Variants in COL9A3 observed in about 807,000 individuals in gnomAD.
COL9A3 encodes the protein collagen type IX alpha 3 chain, also known as collagen alpha-3(IX) chain.
In COL9A3, 82 loss-of-function variants were observed where a neutral mutation model predicts 110.2. That is an observed-to-expected ratio of 0.74 (90% CI 0.62 to 0.89). The LOEUF (loss-of-function observed/expected upper bound fraction) is 0.89. Among genes scored for constraint, COL9A3 ranks in the 40% least tolerant of loss-of-function variants. COL9A3 has a pLI of 0.00. For missense variants in COL9A3, 1,066 were observed against 981.3 expected (o/e 1.09, Z -1.15); for synonymous variants, 494 against 403.8 (o/e 1.22, Z -2.68).
Position 62,819,206 on chromosome 20 carries a change from C to G in COL9A3, c.184-16C>G, listed in dbSNP as rs756387351. On this transcript the variant is annotated splice_polypyrimidine_tract_variant and intron_variant, in intron 3 of 31. Coordinates refer to ENST00000649368, the MANE Select transcript of COL9A3 (RefSeq NM_001853.4). ...CAGACCCCGCCTTCACATCTCTGCCCTTTCCTCCTGCACAGGGACCAAAGG... is the reference window on the plus strand; with the variant it reads ...CAGACCCCGCCTTCACATCTCTGCCGTTTCCTCCTGCACAGGGACCAAAGG... 6.2e-7 allele frequency: 1 copy of G among 1,612,248 alleles called. No individual in the cohort carries two copies. Among genetic ancestry groups the G allele is most frequent in the Non-Finnish European group, 8.5e-7 (1 of 1,179,712 alleles).
At position 62,818,541 on chromosome 20, in the gene COL9A3, G is replaced by A. The variant is rs1366711411; in HGVS notation, c.171G>A (p.Leu57=). The change falls in exon 3 of 32, where the codon CTG becomes CTA. Residue 57 remains leucine, a synonymous_variant. Transcript: ENST00000649368. ...GIDGEAGPPG[L]PGPPGPKGAP... is the part of the protein sequence containing the mutation. Reference sequence around the variant, plus strand: ...AGGGAGAAGCTGGTCCTCCAGGTCTGCCTGGGCCCCCGGTGAGTGTCCCTG... The same window carrying A: ...AGGGAGAAGCTGGTCCTCCAGGTCTACCTGGGCCCCCGGTGAGTGTCCCTG... The A allele has an allele frequency of 1.2e-6, 2 of 1,613,070 alleles. No homozygotes were observed. Among genetic ancestry groups the A allele is most frequent in the African/African-American group, 2.7e-5 (2 of 75,064 alleles).
rs1246463008 is a variant in COL9A3, at chr20:62,826,831, C to T, written c.792+11C>T. ...GCGCCTGGGAAAGCGGTACGTGTGTCAGTGGACGGTGGGCGCCATGCCTCG... is the reference window on the plus strand; with the variant it reads ...GCGCCTGGGAAAGCGGTACGTGTGTTAGTGGACGGTGGGCGCCATGCCTCG... On this transcript the variant is annotated intron_variant, in intron 15 of 31. Coordinates refer to ENST00000649368, the MANE Select transcript of COL9A3 (RefSeq NM_001853.4). 6.2e-6 allele frequency: 10 copies of T among 1,612,502 alleles called. No individual in the cohort carries two copies. The highest frequency in any genetic ancestry group is 8.5e-6 in the Non-Finnish European group (10 of 1,179,900).
At position 62,822,129 on chromosome 20, in the gene COL9A3, G is replaced by A. The variant is rs151085597; in HGVS notation, c.442G>A (p.Gly148Ser). 15 of 1,587,186 alleles carry A rather than the reference G, an allele frequency of 9.5e-6. No individual in the cohort carries two copies. The African/African-American group carries it at 1.1e-4, about 11-fold the overall frequency. Residue 148 changes from glycine (G) to serine (S), a missense_variant, in exon 9 of 32, where the codon GGC becomes AGC. Gly to Ser is a moderately conservative substitution (Grantham distance 56, BLOSUM62 0). Transcript: ENST00000649368. ...TCCCCAGGGACCTTCTGGACTCCCC[G>A]GCCTCCCTGGTCCCCCAGGACCTCC... ...RGPPGPSGLP[G>S]LPGPPGPPGP... is the part of the protein sequence containing the mutation.
At chr20:62,824,851 G>T in intron 11 of COL9A3, 117 bp from the exon 12 acceptor site, 1 of 1,128,804 alleles carries the variant, frequency 8.9e-7, no homozygotes. Context: ...CCGCGGTCCT[G>T]TGCGCTGCCG....
At chr20:62,831,341 G>C (rs2063595779) in intron 24 of COL9A3, 1 of 152,390 alleles carries the variant, frequency 6.6e-6, no homozygotes, top group Admixed American at 6.5e-5. Context: ...TGCTCCACCA[G>C]GTCCTTGGGG....
intron 20 of COL9A3, 61 bp downstream of exon 20, chr20:62,829,560 C>T: frequency 6.4e-7 from 1 of 1,551,188 alleles, no homozygotes; most frequent in Non-Finnish European, 8.9e-7. Flanking sequence ...AGGCAAGGGG[C>T]TGGGGGGCCA....
chr20:62,826,648 C>G, intron 14 of COL9A3, 119 bp from the exon 15 acceptor site: 1 of 1,097,436 alleles, frequency 9.1e-7, no homozygotes, highest in Non-Finnish European at 1.4e-6. Flanking sequence ...CTTGGGGGAA[C>G]TTGCTGGGGA....
chr20:62,832,852 A>G (rs1304875407), intron 25 of COL9A3, 168 bp from the exon 26 acceptor site: 9 of 524,082 alleles, frequency 1.7e-5, no homozygotes, highest in East Asian at 1.5e-4. Flanking sequence ...AGGTCTCCCA[A>G]GGGCTGTGTT....
chr20:62,823,302 C>T (rs2063525240), intron 10 of COL9A3, among the ~76,000 whole-genome samples: 2 of 152,190 alleles, frequency 1.3e-5, no homozygotes, highest in Non-Finnish European at 2.9e-5. Context: ...AGCCACTGCA[C>T]TCCAGCGTGA....
At chr20:62,819,122 T>G in intron 3 of COL9A3, 100 bp from the exon 4 acceptor site, 1 of 1,195,866 alleles carries the variant, frequency 8.4e-7, no homozygotes, top group African/African-American at 1.5e-5. Flanking sequence ...TCCCGTATGG[T>G]TGGGCTGGGG....
chr20:62,822,880 C>T lies in COL9A3; in HGVS notation c.519+248C>T, dbSNP rs368890620. ...CACTGTCCCTCATGAAGCCACCAGG[C>T]GCATGGAGCTGTACAAATGTAATGA... On this transcript the variant is annotated intron_variant, in intron 10 of 31. Coordinates refer to ENST00000649368, the MANE Select transcript of COL9A3 (RefSeq NM_001853.4). 3.9e-5 allele frequency among the ~76,000 whole-genome samples: 6 copies of T among 152,322 alleles called. No individual in the cohort carries two copies. The East Asian group carries it at 1.2e-3, about 29-fold the overall frequency.
At chr20:62,827,781 A>C in intron 16 of COL9A3, 142 bp from the exon 17 acceptor site, 1 of 840,396 alleles carries the variant, frequency 1.2e-6, no homozygotes, top group Non-Finnish European at 2.0e-6. Flanking sequence ...CCACGCACCC[A>C]CAGGCCCCAG....
chr20:62,820,008 G>T, intron 5 of COL9A3, 26 bp downstream of exon 5: 1 of 1,611,770 alleles, frequency 6.2e-7, no homozygotes, highest in Non-Finnish European at 8.5e-7. Flanking sequence ...GAACCCAGTG[G>T]CTTGGGTTCA....
intron 31 of COL9A3, 47 bp downstream of exon 31, chr20:62,838,808 G>T: frequency 6.9e-7 from 1 of 1,458,042 alleles, no homozygotes; most frequent in Non-Finnish European, 9.4e-7. Flanking sequence ...CATCTCTTCC[G>T]CCATCTTGTA....
chr20:62,829,909 G>A, intron 22 of COL9A3, 90 bp downstream of exon 22: 1 of 1,481,170 alleles, frequency 6.8e-7, no homozygotes. Flanking sequence ...GGTGGCATTT[G>A]GTTGCCTTGA....
At chr20:62,818,261 C>T (rs976330603) in intron 2 of COL9A3, among the ~76,000 whole-genome samples, 10 of 152,338 alleles carry the variant, frequency 6.6e-5, no homozygotes, top group African/African-American at 2.4e-4. Flanking sequence ...CATGACCCAC[C>T]CTCTGCCCCC....
In COL9A3 at chr20:62,827,192, C is replaced by T. The variant is rs376440149; in HGVS notation, c.793-49C>T. Reference sequence around the variant, plus strand: ...GAGGGGCCCCCGTCCTACTCTCCGACCAACTCCATGGTGTTAACTCTGTCC... The same window carrying T: ...GAGGGGCCCCCGTCCTACTCTCCGATCAACTCCATGGTGTTAACTCTGTCC... On this transcript the variant is annotated intron_variant, in intron 15 of 31. Transcript: ENST00000649368. 7.8e-4 allele frequency: 1,249 copies of T among 1,603,710 alleles called. 23 individuals are homozygous for T. In the South Asian group the frequency reaches 0.013, roughly 17 times the overall value.
chr20:62,835,736 A>T (rs1350463777), intron 26 of COL9A3, among the ~76,000 whole-genome samples, 185 bp from the exon 27 acceptor site: 1 of 152,242 alleles, frequency 6.6e-6, no homozygotes, highest in Non-Finnish European at 1.5e-5. Flanking sequence ...AAAAGCTTCA[A>T]TCAATCAGTG....
rs1991070167 is a variant in COL9A3, at chr20:62,820,089, C to T, written c.309+107C>T. On this transcript the variant is annotated intron_variant, in intron 5 of 31. Coordinates refer to ENST00000649368, the MANE Select transcript of COL9A3 (RefSeq NM_001853.4). ...GCCAAGGAGCTGGTAGTTCCAAGGA[C>T]AGCTGCCCTGCCCGTGCCTGGGGTG... 4 of 1,335,018 alleles carry T rather than the reference C, an allele frequency of 3.0e-6. No individual in the cohort carries two copies. The South Asian group carries it at 4.7e-5, about 16-fold the overall frequency. 82.7% of individuals were successfully genotyped at this position (1,335,018 alleles called of 1,614,324 possible).
Sources: allele counts gnomAD v4.1 joint callset (sites outside exome capture counted in the v4.1 genomes callset), GRCh38; gene constraint gnomAD v4.1.1; transcripts MANE v1.5; gene names NCBI Gene and HGNC (gene_info 2026-07-23, HGNC 2026-07-21).